The following RGS6 variants were observed in gnomAD, a reference collection of about 807,000 sequenced individuals.
The protein encoded by RGS6 is regulator of G protein signaling 6.
A neutral mutation model predicts 78.5 loss-of-function variants in RGS6; 30 were observed. The observed-to-expected ratio is 0.38, with a 90% confidence interval of 0.29 to 0.52. The LOEUF (loss-of-function observed/expected upper bound fraction) is 0.52. Among genes scored for constraint, RGS6 ranks in the 20% least tolerant of loss-of-function variants. The pLI, the probability that RGS6 is intolerant of heterozygous loss-of-function variation, is 0.85. For synonymous variants in RGS6, 206 were observed against 206.0 expected, an observed-to-expected ratio of 1.00 and a Z score of 0.00; for missense variants, 495 against 609.7, an observed-to-expected ratio of 0.81 and a Z score of 1.98.
chr14:72,039,769 T>C (rs534411736), intron 2 of RGS6, among the ~76,000 whole-genome samples: 1 of 151,406 alleles, frequency 6.6e-6, no homozygotes, highest in African/African-American at 2.4e-5. Context: ...TATTCCTCTT[T>C]TCCTTTTTCC....
At chr14:72,062,562 T>C (rs1216126672) in intron 2 of RGS6, among the ~76,000 whole-genome samples, 2 of 152,192 alleles carry the variant, frequency 1.3e-5, no homozygotes, top group African/African-American at 4.8e-5. Flanking sequence ...GTGAGATGTG[T>C]TGGGTTCAAG....
intron 2 of RGS6, among the ~76,000 whole-genome samples, chr14:72,275,976 T>C (rs2060607099): frequency 1.3e-5 from 2 of 152,048 alleles, no homozygotes; most frequent in Non-Finnish European, 2.9e-5. Context: ...CCATGAGACT[T>C]TGGGGACTGG....
chr14:72,063,186 G>A (rs1204286375), intron 2 of RGS6, among the ~76,000 whole-genome samples: 1 of 152,134 alleles, frequency 6.6e-6, no homozygotes, highest in African/African-American at 2.4e-5. Context: ...AACTGAATCT[G>A]GGGTGCTCCC....
intron 2 of RGS6, among the ~76,000 whole-genome samples, chr14:72,224,248 A>G (rs1394699524): frequency 1.3e-5 from 2 of 152,080 alleles, no homozygotes; most frequent in Non-Finnish European, 2.9e-5. Context: ...GTGAAACCCC[A>G]TCTCTACAAA....
chr14:72,165,535 GTTTA>G (rs1182087255), intron 2 of RGS6, among the ~76,000 whole-genome samples: 2 of 152,204 alleles, frequency 1.3e-5, no homozygotes, highest in Non-Finnish European at 2.9e-5. Context: ...GGGGCTTTGC[GTTTA>G]TTTGTTGTGG....
At chr14:72,307,567 G>A (rs1002526574) in intron 2 of RGS6, among the ~76,000 whole-genome samples, 23 of 152,050 alleles carry the variant, frequency 1.5e-4, no homozygotes, top group Non-Finnish European at 2.9e-5. Context: ...ATCAAATACT[G>A]AGAGACTGTT....
chr14:72,516,992 G>GAC (rs147290997), intron 14 of RGS6: 1,537 of 140,348 alleles, frequency 0.011, 6 homozygotes, highest in African/African-American at 0.017. Context: ...AGCATTTGGG[G>GAC]ACACACACAC....
rs529788635 is a variant in RGS6 at position 72,408,002 on chromosome 14, G to A, written c.185-46526G>A. 2.0e-5 allele frequency among the ~76,000 whole-genome samples: 3 copies of A among 152,294 alleles called. No homozygotes were observed. In the East Asian group the frequency reaches 5.8e-4, roughly 29 times the overall value. On this transcript the variant is annotated intron_variant, in intron 3 of 17. Coordinates refer to ENST00000553525, the MANE Select transcript of RGS6 (RefSeq NM_001204424.2). ...AGGCGGCCTTCCCCTCTGCTCCACT[G>A]GAGAGAGTCAGAGTAATTGGCTCTT...
downstream of RGS6, among the ~76,000 whole-genome samples, chr14:72,568,938 A>G (rs114771785): frequency 7.8e-3 from 1,190 of 152,274 alleles, 11 homozygotes; most frequent in African/African-American, 0.027. Context: ...TCTTTCTCCC[A>G]TTACATCACA....
intron 2 of RGS6, among the ~76,000 whole-genome samples, chr14:72,164,703 C>T (rs541305192): frequency 1.2e-4 from 19 of 152,270 alleles, no homozygotes; most frequent in Admixed American, 1.2e-3. Flanking sequence ...ACTTTGCCCT[C>T]CCCTCCCCTT....
intron 2 of RGS6, among the ~76,000 whole-genome samples, chr14:72,024,561 C>T (rs903497317): frequency 4.6e-5 from 7 of 152,140 alleles, no homozygotes; most frequent in Admixed American, 2.6e-4. Context: ...CTTGCACTCA[C>T]GGGTTGAAAA....
At chr14:72,028,226 C>A (rs183534698) in intron 2 of RGS6, among the ~76,000 whole-genome samples, 1 of 152,336 alleles carries the variant, frequency 6.6e-6, no homozygotes, top group East Asian at 1.9e-4. Context: ...CATCTCCAGA[C>A]TGCCTTGGAT....
chr14:72,087,320 A>G (rs765035374), intron 2 of RGS6, among the ~76,000 whole-genome samples: 2 of 152,006 alleles, frequency 1.3e-5, no homozygotes, highest in Non-Finnish European at 2.9e-5. Context: ...TAGTAGAGAC[A>G]GGGTTTTGCC....
At chr14:72,541,241 A>G in intron 17 of RGS6, 2 of 1,439,524 alleles carry the variant, frequency 1.4e-6, no homozygotes, top group South Asian at 2.5e-5. Flanking sequence ...TGTGACTGGT[A>G]TACGTATTTC....
chr14:71,966,427 G>A (rs45572431), intron 2 of RGS6, among the ~76,000 whole-genome samples: 2,515 of 152,262 alleles, frequency 0.017, 32 homozygotes, highest in Middle Eastern at 0.044. Context: ...AGGTTAATGG[G>A]ACTCAGCAAT....
the RGS6 span, among the ~76,000 whole-genome samples, chr14:72,606,004 G>C: frequency 8.3e-3 from 1,270 of 152,238 alleles, 10 homozygotes; most frequent in Non-Finnish European, 0.013. Context: ...GGGGCTCAAG[G>C]CTCAAGGACT....
At chr14:72,590,467 A>G in the RGS6 span, among the ~76,000 whole-genome samples, 2 of 152,238 alleles carry the variant, frequency 1.3e-5, no homozygotes, top group Non-Finnish European at 2.9e-5. Flanking sequence ...ACAGAGCAAT[A>G]CAACAACCTA....
At chr14:72,473,204 G>A (rs1274745151) in intron 9 of RGS6, among the ~76,000 whole-genome samples, 5 of 152,216 alleles carry the variant, frequency 3.3e-5, no homozygotes, top group African/African-American at 1.2e-4. Flanking sequence ...AGCGCTTTGG[G>A]AGGCCGAGGT....
chr14:72,036,100 G>A (rs1333564355), intron 2 of RGS6, among the ~76,000 whole-genome samples: 1 of 151,868 alleles, frequency 6.6e-6, no homozygotes, highest in Non-Finnish European at 1.5e-5. Flanking sequence ...TTTTCCACAA[G>A]GTCACATAAA....
Sources: allele counts gnomAD v4.1 joint callset (sites outside exome capture counted in the v4.1 genomes callset), GRCh38; gene constraint gnomAD v4.1.1; transcripts MANE v1.5; gene names NCBI Gene and HGNC (gene_info 2026-07-23, HGNC 2026-07-21).